PCED1B: variants seen among roughly 807,000 people sequenced by gnomAD.
PCED1B encodes PC-esterase domain-containing protein 1B.
For synonymous variants in PCED1B, 251 were observed against 246.1 expected, an observed-to-expected ratio of 1.02 and a Z score of -0.19; for missense variants, 573 against 573.9, an observed-to-expected ratio of 1.00 and a Z score of 0.02.
intron 2 of PCED1B, among the ~76,000 whole-genome samples, chr12:47,153,355 C>CAAA (rs11299918): frequency 4.3e-4 from 41 of 95,200 alleles, no homozygotes; most frequent in African/African-American, 1.1e-3. Flanking sequence ...GACTCCTTCT[C>CAAA]AAAAAAAAAA....
chr12:47,167,672 G>A (rs1941590157), intron 2 of PCED1B, among the ~76,000 whole-genome samples: 1 of 152,174 alleles, frequency 6.6e-6, no homozygotes. Flanking sequence ...AGATGATATT[G>A]CTGAACCATG....
rs540113879 is a variant in PCED1B, at chr12:47,199,844, C to A, written c.-525-16378C>A. On this transcript the variant is annotated intron_variant, in intron 2 of 3. Coordinates refer to ENST00000546455, the MANE Select transcript of PCED1B (RefSeq NM_138371.3). ...ATTTGTAGCTTCAACACCAAAAGCA[C>A]AATCCATGAAAGAAAAATTGATAAG... Among the ~76,000 whole-genome samples, 53 of 152,224 alleles carry A rather than the reference C, an allele frequency of 3.5e-4. 1 individual carries two copies. Among genetic ancestry groups the A allele is most frequent in the African/African-American group, 1.3e-3 (52 of 41,544 alleles).
intron 2 of PCED1B, among the ~76,000 whole-genome samples, chr12:47,139,307 CCAGTCAGGA>C (rs1457372915): frequency 3.3e-5 from 5 of 152,144 alleles, no homozygotes; most frequent in Non-Finnish European, 5.9e-5. Flanking sequence ...GTAGCTAAGG[CCAGTCAGGA>C]CAGTAATGGG....
intron 2 of PCED1B, among the ~76,000 whole-genome samples, chr12:47,191,197 G>C (rs1942429172): frequency 6.6e-6 from 1 of 152,094 alleles, no homozygotes; most frequent in Admixed American, 6.5e-5. Context: ...CAGACACACA[G>C]GGCTACTATG....
At chr12:47,196,909 G>GAAAA (rs1942619508) in intron 2 of PCED1B, among the ~76,000 whole-genome samples, 1 of 151,584 alleles carries the variant, frequency 6.6e-6, no homozygotes, top group South Asian at 2.1e-4. Flanking sequence ...AAGCTGAAAT[G>GAAAA]AAAACATTTG....
intron 3 of PCED1B, chr12:47,223,835 C>T (rs1032379835): frequency 1.3e-5 from 2 of 152,168 alleles, no homozygotes; most frequent in African/African-American, 4.8e-5. Flanking sequence ...GTCTGGCAGG[C>T]CTTGTATTAT....
chr12:47,201,309 G>A (rs1300086787), intron 2 of PCED1B, among the ~76,000 whole-genome samples: 5 of 152,056 alleles, frequency 3.3e-5, no homozygotes, highest in African/African-American at 1.2e-4. Context: ...GAATTCCTTG[G>A]AATTGCGAAT....
chr12:47,103,994 A>G (rs1938835051), intron 1 of PCED1B, 119 bp from the exon 2 acceptor site: 2 of 152,218 alleles, frequency 1.3e-5, no homozygotes, highest in Admixed American at 6.5e-5. Flanking sequence ...GGTTTTAGTG[A>G]TTATCACATC....
At chr12:47,094,474 A>G (rs928899634) in intron 1 of PCED1B, among the ~76,000 whole-genome samples, 2 of 151,658 alleles carry the variant, frequency 1.3e-5, no homozygotes, top group African/African-American at 4.8e-5. Flanking sequence ...CTTTTCTTTT[A>G]TATTCCTTTT....
chr12:47,121,091 A>G (rs976822980), intron 2 of PCED1B, among the ~76,000 whole-genome samples: 8 of 152,188 alleles, frequency 5.3e-5, no homozygotes, highest in African/African-American at 1.9e-4. Context: ...CCACATGTCT[A>G]TGAAAATACT....
chr12:47,154,656 G>C (rs1941127822), intron 2 of PCED1B, among the ~76,000 whole-genome samples: 2 of 136,800 alleles, frequency 1.5e-5, no homozygotes, highest in Non-Finnish European at 3.2e-5. Flanking sequence ...TTTCCAAGCA[G>C]GTGACAACAG....
intron 1 of PCED1B, among the ~76,000 whole-genome samples, chr12:47,087,692 A>G (rs1353805218): frequency 6.6e-6 from 1 of 152,232 alleles, no homozygotes; most frequent in East Asian, 1.9e-4. Context: ...CCAATTCAGA[A>G]TTTTAGATCT....
In PCED1B at chr12:47,235,374, C is replaced by T. The variant is rs1943943425; in HGVS notation, c.311C>T (p.Thr104Ile). The change falls in exon 4 of 4, where the codon ACC (threonine) becomes ATC (isoleucine). Residue 104 changes from threonine (T) to isoleucine (I), a missense_variant. Coordinates refer to ENST00000546455, the MANE Select transcript of PCED1B (RefSeq NM_138371.3). ...CGCGTGTACTCCGATTACCTCCAGA[C>T]CATCTTGAAAGAGCTGCAGTCGGGC... ...LTRVYSDYLQ[T>I]ILKELQSGEH... The T allele has an allele frequency of 6.2e-7, 1 of 1,614,070 alleles. No homozygotes were observed. Among genetic ancestry groups the T allele is most frequent in the South Asian group, 1.1e-5 (1 of 91,094 alleles).
At chr12:47,189,781 C>T (rs1942386805) in intron 2 of PCED1B, among the ~76,000 whole-genome samples, 1 of 152,348 alleles carries the variant, frequency 6.6e-6, no homozygotes, top group South Asian at 2.1e-4. Context: ...GCACAACTTT[C>T]GTTTATCACC....
chr12:47,225,075 G>A (rs1230720333), intron 3 of PCED1B, among the ~76,000 whole-genome samples: 3 of 152,094 alleles, frequency 2.0e-5, no homozygotes, highest in Non-Finnish European at 4.4e-5. Context: ...CGGATTACAG[G>A]CACGTGCCAC....
intron 1 of PCED1B, among the ~76,000 whole-genome samples, chr12:47,082,958 G>A (rs532091040): frequency 2.0e-5 from 3 of 150,608 alleles, no homozygotes; most frequent in Admixed American, 1.3e-4. Context: ...GACTCCAAGG[G>A]ATAGTAGAAT....
intron 3 of PCED1B, among the ~76,000 whole-genome samples, chr12:47,227,552 C>G (rs1431263332): frequency 1.3e-5 from 2 of 151,914 alleles, no homozygotes; most frequent in African/African-American, 4.8e-5. Flanking sequence ...GCTGCATGTT[C>G]CATTAGAGAA....
intron 3 of PCED1B, among the ~76,000 whole-genome samples, chr12:47,219,185 T>C (rs530166158): frequency 6.6e-6 from 1 of 152,296 alleles, no homozygotes; most frequent in South Asian, 2.1e-4. Context: ...GAAACACTAT[T>C]ACACATAGAA....
At chr12:47,148,866 T>A (rs1940888720) in intron 2 of PCED1B, among the ~76,000 whole-genome samples, 1 of 152,240 alleles carries the variant, frequency 6.6e-6, no homozygotes, top group African/African-American at 2.4e-5. Context: ...ATCACAGCTG[T>A]TTTCAACATT....
Sources: allele counts gnomAD v4.1 joint callset (sites outside exome capture counted in the v4.1 genomes callset), GRCh38; gene constraint gnomAD v4.1.1; transcripts MANE v1.5; gene names NCBI Gene and HGNC (gene_info 2026-07-23, HGNC 2026-07-21).